The following CNPPD1 variants were observed in gnomAD, a reference collection of about 807,000 sequenced individuals.
CNPPD1 encodes protein CNPPD1.
In CNPPD1, 40 loss-of-function variants were observed where a neutral mutation model predicts 43.7. The observed-to-expected ratio is 0.92, with a 90% CI of 0.71 to 1.19. CNPPD1 has a LOEUF of 1.19. Ranked by LOEUF, CNPPD1 falls within the 50% of genes most tolerant of loss-of-function variation. The pLI, the probability that CNPPD1 is intolerant of heterozygous loss-of-function variation, is 0.00. For synonymous variants in CNPPD1, 208 were observed against 214.3 expected, an observed-to-expected ratio of 0.97 and a Z score of 0.26; for missense variants, 511 against 518.5, an observed-to-expected ratio of 0.99 and a Z score of 0.14.
At chr2:219,177,143 C>T (rs929750020), upstream of CNPPD1, 3 of 292,682 alleles carry the variant, frequency 1.0e-5, no homozygotes, top group Non-Finnish European at 1.9e-5. Flanking sequence ...GAGGCGCGTA[C>T]TCCGCCTGTG....
upstream of CNPPD1, chr2:219,177,000 C>A: frequency 3.5e-6 from 2 of 575,624 alleles, no homozygotes; most frequent in Non-Finnish European, 6.0e-6. Flanking sequence ...AGGCGGGGCC[C>A]GGGCTGAACT....
intron 2 of CNPPD1, among the ~76,000 whole-genome samples, chr2:219,175,928 A>T (rs774749051): frequency 6.6e-6 from 1 of 152,252 alleles, no homozygotes; most frequent in Non-Finnish European, 1.5e-5. Flanking sequence ...ACTGCTGTTC[A>T]TCTGTGGCAT....
chr2:219,177,032 C>T (rs993091742), upstream of CNPPD1: 9 of 481,466 alleles, frequency 1.9e-5, no homozygotes, highest in South Asian at 2.4e-4. Context: ...CCTGTTCCGC[C>T]CCGGGCTTGG....
rs1950086310 is a variant in CNPPD1, at chr2:219,172,545, G to A, written c.*41C>T. 1 of 1,606,542 alleles carries A rather than the reference G, an allele frequency of 6.2e-7. No homozygotes were observed. The highest frequency in any genetic ancestry group is 8.5e-7 in the Non-Finnish European group (1 of 1,173,668). ...CAAGCTTTGCTCCTCCAGGTTCTCA[G>A]AAACTCCCAAACCCTCTTAATGCAT... is the stretch of plus-strand genomic sequence containing the variant. On this transcript the variant is annotated 3_prime_UTR_variant, in exon 8 of 8. Transcript: ENST00000360507.
intron 6 of CNPPD1, 125 bp from the exon 7 acceptor site, chr2:219,173,592 A>G (rs995854498): frequency 1.6e-6 from 1 of 636,940 alleles, no homozygotes; most frequent in Non-Finnish European, 2.7e-6. Flanking sequence ...TTCCTAGGCT[A>G]TCTGCTGATC....
chr2:219,177,389 G>A (rs183849139), upstream of CNPPD1: 1 of 153,012 alleles, frequency 6.5e-6, no homozygotes, highest in Non-Finnish European at 1.5e-5. Context: ...CAATGGAGAA[G>A]TTAATGTGAA....
Position 219,174,798 on chromosome 2 carries a change from T to G in CNPPD1, c.490A>C (p.Arg164=). The change falls in exon 5 of 8, where the codon AGG becomes CGG. Residue 164 remains arginine, a synonymous_variant. Transcript: ENST00000360507. ...CTCACCATGGCACTCAGGAAGCCCC[T>G]CTCCAAGGCATTGAGAGTGGGCACG... The part of the protein sequence containing the change: ...VAVPTLNALE[R]GFLSAMDWHL... 6.2e-7 allele frequency: 1 copy of G among 1,606,022 alleles called. No individual in the cohort carries two copies. The highest frequency in any genetic ancestry group is 1.3e-5 in the African/African-American group (1 of 74,804).
chr2:219,175,073 G>A lies in CNPPD1; in HGVS notation c.296C>T (p.Ala99Val), dbSNP rs1294253906. 6.2e-7 allele frequency: 1 copy of A among 1,611,866 alleles called. No individual in the cohort carries two copies. ...ACISPCAMML[A>V]LVYIERLRHR... ...CCGGAGCCGTTCAATGTACACCAGA[G>A]CCAGCATCATAGCACATGGGGAGAT... The change falls in exon 4 of 8, where the codon GCT becomes GTT. Residue 99 changes from alanine to valine, a missense_variant. Physicochemically the swap from Ala to Val is moderately conservative, Grantham distance 64. Transcript: ENST00000360507.
In CNPPD1 at chr2:219,172,484, C is replaced by T. The variant is rs1471162892; in HGVS notation, c.*102G>A. On this transcript the variant is annotated 3_prime_UTR_variant, in exon 8 of 8. Coordinates refer to ENST00000360507, the MANE Select transcript of CNPPD1 (RefSeq NM_015680.6). ...GCTCCCACCCAGGAGGACAGGGGAC[C>T]TGCCAAGGACCCAGCGAGGCAGACA... The T allele has an allele frequency of 3.0e-5, 38 of 1,285,314 alleles. No individual in the cohort carries two copies. The highest frequency in any genetic ancestry group is 4.1e-5 in the Non-Finnish European group (37 of 899,240). 79.6% of individuals were successfully genotyped at this position (1,285,314 alleles called of 1,614,324 possible). A position where few individuals can be genotyped will look rare whatever the true frequency, so the allele number is the denominator to read the frequency against.
intron 3 of CNPPD1, 86 bp downstream of exon 3, chr2:219,175,505 A>AAG: frequency 1.5e-6 from 2 of 1,318,502 alleles, no homozygotes; most frequent in Non-Finnish European, 2.1e-6. Context: ...AAAAAAAAAA[A>AAG]AAAGAAAGAA....
At position 219,176,818 on chromosome 2, in the gene CNPPD1, G is replaced by C; in HGVS notation, c.11C>G (p.Thr4Ser). The C allele has an allele frequency of 6.3e-7, 1 of 1,579,414 alleles. No individual in the cohort carries two copies. The highest frequency in any genetic ancestry group is 1.2e-5 in the South Asian group (1 of 86,584). Residue 4 changes from threonine to serine, a missense_variant, in exon 1 of 8, where the codon ACC becomes AGC. Physicochemically the swap from Thr to Ser is moderately conservative, Grantham distance 58. Coordinates refer to ENST00000360507, the MANE Select transcript of CNPPD1 (RefSeq NM_015680.6). The stretch of plus-strand genomic sequence containing the variant: ...GCCTTCTTCGTCCAGCAGGAGCCCG[G>C]TCAGGTCCATCGCGCCGCCAGTCGC... Reference protein sequence around the residue: MDLTGLLLDEEGTF... With the variant: MDLSGLLLDEEGTF...
chr2:219,174,300 T>C lies in CNPPD1; in HGVS notation c.511-93A>G, dbSNP rs912579532. The stretch of plus-strand genomic sequence containing the variant: ...ATAGCAGCAACTACAACCGCCCCTA[T>C]GGCTAATGCATATTTGGCACTTACC... On this transcript the variant is annotated intron_variant, in intron 5 of 7. Coordinates refer to ENST00000360507, the MANE Select transcript of CNPPD1 (RefSeq NM_015680.6). 1.1e-4 allele frequency: 134 copies of C among 1,240,562 alleles called. 1 individual carries two copies. The highest frequency in any genetic ancestry group is 4.9e-4 in the South Asian group (41 of 83,550). 76.8% of individuals were successfully genotyped at this position (1,240,562 alleles called of 1,614,324 possible). A position where few individuals can be genotyped will look rare whatever the true frequency, so the allele number is the denominator to read the frequency against.
In CNPPD1 at chr2:219,172,608, T is replaced by C; in HGVS notation, c.1211A>G (p.Lys404Arg). Residue 404 changes from lysine (K) to arginine (R), a missense_variant, in exon 8 of 8, where the codon AAG becomes AGG. By Grantham distance (26) the Lys-to-Arg change is conservative. Coordinates refer to ENST00000360507, the MANE Select transcript of CNPPD1 (RefSeq NM_015680.6). ...TACCTAGCCTGGGAAAACGAAAGACTTGAGGCGAGCCAGCTCCATGACACT... is the reference window on the plus strand; with the variant it reads ...TACCTAGCCTGGGAAAACGAAAGACCTGAGGCGAGCCAGCTCCATGACACT... The part of the protein sequence containing the change: ...LFSVMELARL[K>R]SFVFPG 6.2e-7 allele frequency: 1 copy of C among 1,614,166 alleles called. No homozygotes were observed. Among genetic ancestry groups the C allele is most frequent in the Non-Finnish European group, 8.5e-7 (1 of 1,180,034 alleles).
At chr2:219,174,565 C>T (rs965492755) in intron 5 of CNPPD1, among the ~76,000 whole-genome samples, 10 of 152,054 alleles carry the variant, frequency 6.6e-5, no homozygotes, top group African/African-American at 1.7e-4. Context: ...ATAGAGGAGG[C>T]GAGGAAATGT....
chr2:219,175,969 G>A (rs897250638), intron 2 of CNPPD1, among the ~76,000 whole-genome samples: 1 of 152,220 alleles, frequency 6.6e-6, no homozygotes. Context: ...GGGAACATAT[G>A]ATGGATATCC....
Position 219,172,751 on chromosome 2 carries a change from G to T in CNPPD1, c.1068C>A (p.Asn356Lys). The T allele has an allele frequency of 6.2e-7, 1 of 1,611,606 alleles. No individual in the cohort carries two copies. Among genetic ancestry groups the T allele is most frequent in the Non-Finnish European group, 8.5e-7 (1 of 1,178,636 alleles). ...TGGACAGCGCAGTGGGGACTGTACG[G>T]TTGGGGTGGAGGCAGGCATGGCAGG... ...SPTCHACLHPNRTVPTALSSP... is the reference protein window; with the variant it reads ...SPTCHACLHPKRTVPTALSSP... Residue 356 changes from asparagine (N) to lysine (K), a missense_variant, in exon 8 of 8, where the codon AAC becomes AAA. Physicochemically the swap from Asn to Lys is moderately conservative, Grantham distance 94. Transcript: ENST00000360507.
chr2:219,175,835 G>A (rs1198519643), intron 2 of CNPPD1, among the ~76,000 whole-genome samples, 163 bp from the exon 3 acceptor site: 1 of 152,102 alleles, frequency 6.6e-6, no homozygotes, highest in Non-Finnish European at 1.5e-5. Context: ...GAGACAAAAA[G>A]CCCATTCCAA....
intron 5 of CNPPD1, 54 bp downstream of exon 5, chr2:219,174,724 G>T (rs1950130225): frequency 1.3e-6 from 2 of 1,529,136 alleles, no homozygotes; most frequent in Non-Finnish European, 1.8e-6. Context: ...AAGGACTAAA[G>T]GACGGTTAAA....
chr2:219,172,353 A>G lies in CNPPD1; in HGVS notation c.*233T>C, dbSNP rs1950083474. 1 of 579,222 alleles carries G rather than the reference A, an allele frequency of 1.7e-6. No homozygotes were observed. Among genetic ancestry groups the G allele is most frequent in the African/African-American group, 1.9e-5 (1 of 53,270 alleles). The allele number at this position is 579,222 out of a possible 1,614,324, so 35.9% of individuals were successfully genotyped here. A position where few individuals can be genotyped will look rare whatever the true frequency, so the allele number is the denominator to read the frequency against. On this transcript the variant is annotated 3_prime_UTR_variant, in exon 8 of 8. Transcript: ENST00000360507. Reference sequence around the variant, plus strand: ...GTCCATCTGGGACATGTCCCTGGTCACCAAGCGGAAGCTCTCCCTGGCGGC... The same window carrying G: ...GTCCATCTGGGACATGTCCCTGGTCGCCAAGCGGAAGCTCTCCCTGGCGGC...
Sources: allele counts gnomAD v4.1 joint callset (sites outside exome capture counted in the v4.1 genomes callset), GRCh38; gene constraint gnomAD v4.1.1; transcripts MANE v1.5; gene names NCBI Gene and HGNC (gene_info 2026-07-23, HGNC 2026-07-21).